Variants in PACRG observed in about 807,000 individuals in gnomAD.
PACRG encodes parkin coregulated gene protein.
In PACRG, 29 loss-of-function variants were observed where a neutral mutation model predicts 29.7. That is an observed-to-expected ratio of 0.98 (90% CI 0.73 to 1.33). The LOEUF (loss-of-function observed/expected upper bound fraction) is 1.33. PACRG is among the 40% of genes most tolerant of loss of function. The pLI is 0.00. For missense variants in PACRG, 279 were observed against 316.2 expected, an observed-to-expected ratio of 0.88 and a Z score of 0.89; for synonymous variants, 116 against 118.7, an observed-to-expected ratio of 0.98 and a Z score of 0.15.
At chr6:163,074,450 G>T (rs2128282881) in intron 3 of PACRG, among the ~76,000 whole-genome samples, 1 of 152,120 alleles carries the variant, frequency 6.6e-6, no homozygotes, top group Admixed American at 6.5e-5. Flanking sequence ...ATGGTTAGAA[G>T]GTACAAAAAA....
chr6:163,097,156 A>T (rs1415576505), intron 4 of PACRG, among the ~76,000 whole-genome samples: 1 of 151,950 alleles, frequency 6.6e-6, no homozygotes, highest in Admixed American at 6.5e-5. Context: ...ACCTCTTTCC[A>T]CTGTGTTCTG....
intron 1 of PACRG, among the ~76,000 whole-genome samples, chr6:162,730,219 A>G (rs1779656638): frequency 6.6e-6 from 1 of 152,206 alleles, no homozygotes; most frequent in African/African-American, 2.4e-5. Flanking sequence ...TTTATACAAA[A>G]TAACTTCAGT....
chr6:163,199,098 G>A (rs995883922), intron 4 of PACRG, among the ~76,000 whole-genome samples: 1 of 152,178 alleles, frequency 6.6e-6, no homozygotes, highest in Non-Finnish European at 1.5e-5. Context: ...GCCCTAAGCC[G>A]TTCCCAGCTT....
intron 2 of PACRG, among the ~76,000 whole-genome samples, chr6:162,902,527 A>G (rs904610608): frequency 2.6e-5 from 4 of 152,206 alleles, no homozygotes; most frequent in African/African-American, 7.2e-5. Context: ...CTTTGTAGTT[A>G]TGCCCAGTGA....
intron 1 of PACRG, among the ~76,000 whole-genome samples, chr6:162,733,931 G>T (rs59349365): frequency 0.07 from 6,766 of 96,564 alleles, 516 homozygotes; most frequent in African/African-American, 0.31. Flanking sequence ...TATTAATTTA[G>T]TTGAGCCTGT....
intron 2 of PACRG, among the ~76,000 whole-genome samples, chr6:162,877,875 A>G (rs1440981833): frequency 1.3e-5 from 2 of 152,212 alleles, no homozygotes; most frequent in East Asian, 1.9e-4. Context: ...TTCCCTTTAT[A>G]GAATTATAGT....
chr6:163,071,226 A>G (rs1812018442), intron 3 of PACRG, among the ~76,000 whole-genome samples: 1 of 150,598 alleles, frequency 6.6e-6, no homozygotes, highest in Non-Finnish European at 1.5e-5. Context: ...ATTTCATCCA[A>G]TGGCTGCAGA....
rs530041133 is a variant in PACRG at position 163,175,466 on chromosome 6, C to G, written c.613+86058C>G. 7.5e-4 allele frequency among the ~76,000 whole-genome samples: 114 copies of G among 151,920 alleles called. 1 individual carries two copies. The highest frequency in any genetic ancestry group is 3.4e-3 in the Middle Eastern group (1 of 292). On this transcript the variant is annotated intron_variant, in intron 4 of 4. Transcript: ENST00000366888. ...GAGTGGTTAAAGGACATCACTCCCC[C>G]CCAGCCACCTGTGACTCTACTGCTC...
chr6:163,296,383 C>T (rs1022418232), intron 4 of PACRG, among the ~76,000 whole-genome samples: 9 of 152,120 alleles, frequency 5.9e-5, no homozygotes, highest in African/African-American at 1.7e-4. Context: ...GCAAACTCCA[C>T]CTCCCGAGTT....
In PACRG at chr6:163,315,042, C is replaced by T; in HGVS notation, c.*55C>T. ...CCGTTGGTGTTGGGATCATCTGTCT[C>T]TGTTGCTTTTAGCATCTCATTCCTT... On this transcript the variant is annotated 3_prime_UTR_variant, in exon 5 of 5. Coordinates refer to ENST00000366888, the MANE Select transcript of PACRG (RefSeq NM_001080379.2). The T allele has an allele frequency of 6.4e-7, 1 of 1,561,004 alleles. No individual in the cohort carries two copies. The highest frequency in any genetic ancestry group is 1.2e-5 in the South Asian group (1 of 84,860).
rs9456830 is a variant in PACRG at position 163,068,319 on chromosome 6, G to A, written c.463+5998G>A. Among the ~76,000 whole-genome samples the A allele has an allele frequency of 5.1e-3, 778 of 152,226 alleles. 3 individuals carry two copies. Among genetic ancestry groups the A allele is most frequent in the Admixed American group, 7.5e-3 (114 of 15,284 alleles). On this transcript the variant is annotated intron_variant, in intron 3 of 4. Transcript: ENST00000366888. ...TGAAAACCCTTTTCATTCAGAACAG[G>A]GAGGTCATGTCTCTATCGCCTCCAG...
chr6:162,805,168 A>G (rs1392679180), intron 1 of PACRG, among the ~76,000 whole-genome samples: 1 of 152,184 alleles, frequency 6.6e-6, no homozygotes, highest in East Asian at 1.9e-4. Context: ...TCTGCAACAC[A>G]TGACTATATA....
intron 4 of PACRG, chr6:163,111,895 G>T (rs955069838): frequency 4.7e-6 from 1 of 211,942 alleles, no homozygotes; most frequent in East Asian, 1.8e-4. Context: ...TTAACAAATT[G>T]AATCATATAT....
intron 4 of PACRG, among the ~76,000 whole-genome samples, chr6:163,281,248 T>G (rs1046526469): frequency 6.6e-6 from 1 of 152,068 alleles, no homozygotes; most frequent in African/African-American, 2.4e-5. Flanking sequence ...GAGGCAGGGC[T>G]CAAGAAACGG....
rs148929703 is a variant in PACRG, at chr6:163,140,197, A to T, written c.613+50789A>T. Among the ~76,000 whole-genome samples the T allele has an allele frequency of 4.2e-3, 634 of 152,348 alleles. 7 individuals are homozygous for T. Among genetic ancestry groups the T allele is most frequent in the African/African-American group, 0.015 (614 of 41,568 alleles). On this transcript the variant is annotated intron_variant, in intron 4 of 4. Coordinates refer to ENST00000366888, the MANE Select transcript of PACRG (RefSeq NM_001080379.2). ...GCAATGATGGATAAACCATTGCGAC[A>T]GAGAACCCCAGGAAGTCAGACCTGG...
At chr6:163,014,235 T>C (rs1805876089) in intron 2 of PACRG, among the ~76,000 whole-genome samples, 1 of 152,208 alleles carries the variant, frequency 6.6e-6, no homozygotes, top group Non-Finnish European at 1.5e-5. Context: ...ATGTACCACA[T>C]TTTCTTTATC....
intron 2 of PACRG, among the ~76,000 whole-genome samples, chr6:162,820,241 C>T (rs1041455626): frequency 3.9e-5 from 6 of 152,138 alleles, no homozygotes; most frequent in Non-Finnish European, 7.4e-5. Context: ...CAGACAACAC[C>T]TTTAATTATG....
chr6:163,258,688 C>A (rs1218385233), intron 4 of PACRG, among the ~76,000 whole-genome samples: 1 of 149,226 alleles, frequency 6.7e-6, no homozygotes, highest in East Asian at 2.0e-4. Context: ...ACCTGGGAGG[C>A]GGAGCTTGCA....
intron 4 of PACRG, among the ~76,000 whole-genome samples, chr6:163,306,011 T>C (rs1038099752): frequency 6.6e-6 from 1 of 152,200 alleles, no homozygotes; most frequent in Non-Finnish European, 1.5e-5. Context: ...TTCAGCAGAT[T>C]CTTACTTTGA....
Sources: allele counts gnomAD v4.1 joint callset (sites outside exome capture counted in the v4.1 genomes callset), GRCh38; gene constraint gnomAD v4.1.1; transcripts MANE v1.5; gene names NCBI Gene and HGNC (gene_info 2026-07-23, HGNC 2026-07-21).